The following GPR83 variants were observed in gnomAD, a reference collection of about 807,000 sequenced individuals.
GPR83 encodes the protein G-protein coupled receptor 72.
A neutral mutation model predicts 28.0 loss-of-function variants in GPR83; 23 were observed. The ratio of observed to expected loss-of-function variants is 0.82; its 90% CI spans 0.59 to 1.16. The LOEUF (loss-of-function observed/expected upper bound fraction) is 1.16. Among genes scored for constraint, GPR83 ranks in the 50% most tolerant of loss-of-function variants. The pLI is 0.00. For missense variants in GPR83, 610 were observed against 536.6 expected (o/e 1.14, Z -1.35); for synonymous variants, 234 against 215.4 (o/e 1.09, Z -0.76).
chr11:94,390,872 C>A (rs1420809704), intron 3 of GPR83, among the ~76,000 whole-genome samples: 1 of 152,254 alleles, frequency 6.6e-6, no homozygotes, highest in East Asian at 1.9e-4. Flanking sequence ...TAGGAAGAAT[C>A]AATATCATGA....
chr11:94,384,074 C>A (rs926316893), intron 3 of GPR83, among the ~76,000 whole-genome samples: 1 of 152,028 alleles, frequency 6.6e-6, no homozygotes, highest in Non-Finnish European at 1.5e-5. Flanking sequence ...AACATGAATG[C>A]GAAAATCCTC....
intron 3 of GPR83, among the ~76,000 whole-genome samples, chr11:94,381,444 G>A (rs1351251604): frequency 6.6e-6 from 1 of 152,050 alleles, no homozygotes; most frequent in African/African-American, 2.4e-5. Flanking sequence ...GGGGGCCTGG[G>A]TGAGTGATTC....
chr11:94,391,827 ATG>A (rs1944820296), intron 3 of GPR83, among the ~76,000 whole-genome samples: 1 of 152,174 alleles, frequency 6.6e-6, no homozygotes, highest in Non-Finnish European at 1.5e-5. Flanking sequence ...GAAACAATTG[ATG>A]CTGGAGAGGA....
At chr11:94,399,166 A>G (rs3758787) in intron 1 of GPR83, among the ~76,000 whole-genome samples, 105,963 of 152,088 alleles carry the variant, frequency 0.7, 37,168 homozygotes, top group South Asian at 0.77. Flanking sequence ...ACCACTGTAG[A>G]TTCTCAGGTC....
intron 3 of GPR83, among the ~76,000 whole-genome samples, chr11:94,391,060 C>G (rs753389175): frequency 1.1e-4 from 16 of 152,180 alleles, no homozygotes; most frequent in African/African-American, 3.1e-4. Context: ...ATCACGCTAC[C>G]TGACTTCAAA....
chr11:94,398,704 C>G (rs1944887257), intron 1 of GPR83, among the ~76,000 whole-genome samples: 1 of 152,160 alleles, frequency 6.6e-6, no homozygotes, highest in South Asian at 2.1e-4. Context: ...ATTAAGTGGA[C>G]AGGAAGGGAG....
intron 1 of GPR83, among the ~76,000 whole-genome samples, chr11:94,398,974 G>A (rs1225798178): frequency 6.6e-6 from 1 of 152,204 alleles, no homozygotes; most frequent in Non-Finnish European, 1.5e-5. Flanking sequence ...GTCTCTTGCA[G>A]GAGATCCTCT....
At chr11:94,383,511 C>CA (rs762679255) in intron 3 of GPR83, among the ~76,000 whole-genome samples, 2 of 152,034 alleles carry the variant, frequency 1.3e-5, no homozygotes, top group South Asian at 2.1e-4. Context: ...GAGATAGAGA[C>CA]AAAAAACCCT....
intron 3 of GPR83, among the ~76,000 whole-genome samples, chr11:94,389,623 C>T (rs1453497573): frequency 1.3e-5 from 2 of 152,136 alleles, no homozygotes; most frequent in East Asian, 1.9e-4. Context: ...CAATGAGATA[C>T]CATCTCACAC....
intron 3 of GPR83, among the ~76,000 whole-genome samples, chr11:94,387,890 A>G (rs1429097489): frequency 6.6e-6 from 1 of 152,214 alleles, no homozygotes; most frequent in Non-Finnish European, 1.5e-5. Flanking sequence ...ATTTTAGACC[A>G]ATATCCCAGA....
intron 1 of GPR83, among the ~76,000 whole-genome samples, chr11:94,399,852 T>C (rs1944895068): frequency 6.6e-6 from 1 of 152,116 alleles, no homozygotes; most frequent in African/African-American, 2.4e-5. Context: ...TCCCAAATCA[T>C]CCATGAGAGC....
chr11:94,378,056 A>T lies in GPR83; in HGVS notation c.*2093T>A, dbSNP rs1289096306. 2 of 152,184 alleles carry T rather than the reference A, an allele frequency of 1.3e-5. No homozygotes were observed. The highest frequency in any genetic ancestry group is 4.8e-5 in the African/African-American group (2 of 41,452). 9.4% of individuals were successfully genotyped at this position (152,184 alleles called of 1,614,324 possible). A position where few individuals can be genotyped will look rare whatever the true frequency, so the allele number is the denominator to read the frequency against. On this transcript the variant is annotated 3_prime_UTR_variant, in exon 4 of 4. Transcript: ENST00000243673. ...TACTTCTTGACACACCACAGAGACAATAAGTACAGGCACATGAGCCATTTG... is the reference window on the plus strand; with the variant it reads ...TACTTCTTGACACACCACAGAGACATTAAGTACAGGCACATGAGCCATTTG...
chr11:94,389,389 C>T (rs1025512568), intron 3 of GPR83, among the ~76,000 whole-genome samples: 29 of 152,196 alleles, frequency 1.9e-4, no homozygotes, highest in Non-Finnish European at 5.9e-5. Flanking sequence ...GAACAGGCAA[C>T]TTACAGAATG....
intron 3 of GPR83, among the ~76,000 whole-genome samples, chr11:94,388,522 A>G (rs1376834940): frequency 6.6e-6 from 1 of 152,182 alleles, no homozygotes; most frequent in Non-Finnish European, 1.5e-5. Context: ...ATTCTTATAC[A>G]CCAATAACAG....
At chr11:94,380,810 AG>A (rs769707493) in intron 3 of GPR83, 37 bp from the exon 4 acceptor site, 13 of 1,563,124 alleles carry the variant, frequency 8.3e-6, no homozygotes, top group Non-Finnish European at 1.1e-5. Flanking sequence ...GAGAGGTAAC[AG>A]AAAGGAGATA....
Position 94,395,495 on chromosome 11 carries a change from T to C in GPR83, c.513+904A>G, listed in dbSNP as rs138664838. On this transcript the variant is annotated intron_variant, in intron 2 of 3. Coordinates refer to ENST00000243673, the MANE Select transcript of GPR83 (RefSeq NM_016540.4). Reference sequence around the variant, plus strand: ...GCCAGACAGACCTCAGTCCTAATCCTAGCTTCACCATTCACAGGCACATGA... The same window carrying C: ...GCCAGACAGACCTCAGTCCTAATCCCAGCTTCACCATTCACAGGCACATGA... 2.7e-4 allele frequency among the ~76,000 whole-genome samples: 41 copies of C among 152,312 alleles called. No homozygotes were observed. The East Asian group carries it at 7.5e-3, about 28-fold the overall frequency.
chr11:94,396,717 C>T (rs1944870651), intron 1 of GPR83, among the ~76,000 whole-genome samples, 193 bp from the exon 2 acceptor site: 1 of 152,120 alleles, frequency 6.6e-6, no homozygotes, highest in Non-Finnish European at 1.5e-5. Flanking sequence ...ATTCAACAAA[C>T]CCTGATCATG....
chr11:94,399,313 G>A (rs578173840), intron 1 of GPR83, among the ~76,000 whole-genome samples: 4 of 152,218 alleles, frequency 2.6e-5, no homozygotes, highest in African/African-American at 7.2e-5. Context: ...CCATCAATAC[G>A]TTAGACGTAG....
chr11:94,389,168 T>C (rs1169942252), intron 3 of GPR83, among the ~76,000 whole-genome samples: 1 of 152,130 alleles, frequency 6.6e-6, no homozygotes, highest in African/African-American at 2.4e-5. Flanking sequence ...TACACAAAAA[T>C]TAATTCAAGA....
Sources: gnomAD v4.1 joint callset for allele counts (sites outside exome capture counted in the v4.1 genomes callset) on GRCh38, gnomAD v4.1.1 for gene constraint, MANE v1.5 for transcripts, NCBI Gene and HGNC (gene_info 2026-07-23, HGNC 2026-07-21) for gene names.